The following FRMD4A variants were observed in gnomAD, a reference collection of about 807,000 sequenced individuals.
FRMD4A encodes the protein FERM domain-containing protein 4A.
FRMD4A carries 29 observed loss-of-function variants against 129.1 expected under a neutral mutation model. The observed-to-expected ratio is 0.22, with a 90% CI of 0.17 to 0.31. FRMD4A has a LOEUF of 0.31. Among genes scored for constraint, FRMD4A ranks in the 10% least tolerant of loss-of-function variants. FRMD4A has a pLI of 1.00. For missense variants in FRMD4A, 1,272 were observed against 1,375.8 expected, an observed-to-expected ratio of 0.92 and a Z score of 1.19; for synonymous variants, 634 against 571.6, an observed-to-expected ratio of 1.11 and a Z score of -1.56.
chr10:14,302,024 C>A (rs937302583), intron 2 of FRMD4A, among the ~76,000 whole-genome samples: 8 of 152,130 alleles, frequency 5.3e-5, no homozygotes, highest in Non-Finnish European at 1.2e-4. Flanking sequence ...AAGTCTGAAA[C>A]CATCACCTCA....
At chr10:14,205,038 AT>A (rs1842740320) in intron 2 of FRMD4A, among the ~76,000 whole-genome samples, 1 of 138,488 alleles carries the variant, frequency 7.2e-6, no homozygotes, top group Non-Finnish European at 1.5e-5. Flanking sequence ...GTTCTGCCTG[AT>A]CATCTTTTTT....
chr10:13,789,649 C>T lies in FRMD4A; in HGVS notation c.300-6643G>A, dbSNP rs75576867. 9.8e-3 allele frequency among the ~76,000 whole-genome samples: 1,484 copies of T among 151,416 alleles called. 26 individuals carry two copies. Among genetic ancestry groups the T allele is most frequent in the African/African-American group, 0.033 (1,378 of 41,252 alleles). On this transcript the variant is annotated intron_variant, in intron 5 of 24. Transcript: ENST00000357447. ...CTTATATTTTTTTCTTGACCTATTT[C>T]TAAAGCTTGCCTGGTGAACAATATC...
intron 2 of FRMD4A, among the ~76,000 whole-genome samples, chr10:14,146,814 C>G (rs1047299792): frequency 1.3e-5 from 2 of 152,178 alleles, no homozygotes; most frequent in African/African-American, 4.8e-5. Context: ...ACAGCACTCA[C>G]CAGGCACATG....
intron 3 of FRMD4A, among the ~76,000 whole-genome samples, chr10:13,833,619 C>A (rs984608210): frequency 2.6e-5 from 4 of 152,054 alleles, no homozygotes; most frequent in African/African-American, 9.7e-5. Context: ...GTTAAATGAA[C>A]CTGTCAATAC....
intron 2 of FRMD4A, among the ~76,000 whole-genome samples, chr10:14,115,707 C>CA: frequency 6.6e-6 from 1 of 152,196 alleles, no homozygotes; most frequent in Non-Finnish European, 1.5e-5. Flanking sequence ...TCCCTCCCCG[C>CA]TCTCTCTTGC....
At chr10:13,654,341 T>TTATGTCACCAGGATCTGAACGTCTATGA in intron 23 of FRMD4A, 75 bp downstream of exon 23, 1 of 966,480 alleles carries the variant, frequency 1.0e-6, no homozygotes, top group East Asian at 2.4e-5. Flanking sequence ...TGACATATCC[T>TTATGTCACCAGGATCTGAACGTCTATGA]TATGTCACCA....
intron 2 of FRMD4A, among the ~76,000 whole-genome samples, chr10:14,180,875 CTA>C (rs1841891241): frequency 1.3e-5 from 2 of 152,194 alleles, no homozygotes; most frequent in African/African-American, 4.8e-5. Flanking sequence ...TCCGGCACTT[CTA>C]TGTTATTGAA....
chr10:14,203,971 C>T (rs1842710739), intron 2 of FRMD4A, among the ~76,000 whole-genome samples: 1 of 152,168 alleles, frequency 6.6e-6, no homozygotes, highest in South Asian at 2.1e-4. Flanking sequence ...TAACAAGAGC[C>T]CAGGAACATC....
chr10:14,222,591 AC>A (rs1366099934), intron 2 of FRMD4A, among the ~76,000 whole-genome samples: 4 of 152,222 alleles, frequency 2.6e-5, no homozygotes, highest in Non-Finnish European at 5.9e-5. Context: ...GCTACTTCTT[AC>A]AAATGATATT....
chr10:13,922,895 T>G (rs557078437), intron 2 of FRMD4A, among the ~76,000 whole-genome samples: 2 of 152,178 alleles, frequency 1.3e-5, no homozygotes, highest in Non-Finnish European at 2.9e-5. Flanking sequence ...CTGCAATAAA[T>G]AGACTGTATT....
At chr10:13,951,763 G>T (rs951393426) in intron 2 of FRMD4A, among the ~76,000 whole-genome samples, 8 of 152,022 alleles carry the variant, frequency 5.3e-5, no homozygotes, top group African/African-American at 1.2e-4. Context: ...GGTGGCGGGC[G>T]CCTGGAATCC....
At chr10:13,781,902 G>T (rs1472429638) in intron 6 of FRMD4A, among the ~76,000 whole-genome samples, 2 of 152,102 alleles carry the variant, frequency 1.3e-5, no homozygotes, top group Non-Finnish European at 1.5e-5. Context: ...TGACGGTGGG[G>T]ATGGTTATAC....
At chr10:13,963,827 G>C (rs2095464020) in intron 2 of FRMD4A, among the ~76,000 whole-genome samples, 1 of 152,148 alleles carries the variant, frequency 6.6e-6, no homozygotes, top group South Asian at 2.1e-4. Flanking sequence ...TTGCAGGCCT[G>C]GCTCTGTGGT....
intron 8 of FRMD4A, among the ~76,000 whole-genome samples, chr10:13,752,252 ACTC>A (rs2091664042): frequency 6.6e-6 from 1 of 152,086 alleles, no homozygotes; most frequent in Non-Finnish European, 1.5e-5. Flanking sequence ...TGCAGCCTAT[ACTC>A]CTCACGAAAC....
Position 13,838,181 on chromosome 10 carries a change from T to G in FRMD4A, c.111+20666A>C, listed in dbSNP as rs568130979. Among the ~76,000 whole-genome samples, 613 of 151,930 alleles carry G rather than the reference T, an allele frequency of 4.0e-3. 5 individuals carry two copies. The highest frequency in any genetic ancestry group is 0.014 in the African/African-American group (582 of 41,402). ...ATAGCTCACTGAAGCCTCTACCTCC[T>G]GGGCTCAAGCCATCCTGCCTCAGGC... On this transcript the variant is annotated intron_variant, in intron 3 of 24. Coordinates refer to ENST00000357447, the MANE Select transcript of FRMD4A (RefSeq NM_018027.5).
intron 15 of FRMD4A, chr10:13,685,398 A>T (rs1056903927): frequency 3.2e-5 from 32 of 984,890 alleles, no homozygotes; most frequent in Non-Finnish European, 3.6e-5. Context: ...CATTCATTTT[A>T]AAAAATTAGC....
chr10:13,660,773 T>C (rs962047577), intron 19 of FRMD4A, among the ~76,000 whole-genome samples: 3 of 152,136 alleles, frequency 2.0e-5, no homozygotes, highest in East Asian at 1.9e-4. Flanking sequence ...GCAGGCGGGA[T>C]TGCATGGGAA....
intron 2 of FRMD4A, among the ~76,000 whole-genome samples, chr10:14,052,724 AT>A (rs10695815): frequency 6.6e-6 from 1 of 150,452 alleles, no homozygotes; most frequent in African/African-American, 2.4e-5. Context: ...ATAACTGGCT[AT>A]TTTTTTTTCT....
At chr10:13,658,521 C>T (rs1412860953) in intron 21 of FRMD4A, among the ~76,000 whole-genome samples, 5 of 152,222 alleles carry the variant, frequency 3.3e-5, no homozygotes, top group Non-Finnish European at 7.3e-5. Flanking sequence ...TTCCGACTGC[C>T]ACTCAGAAGG....
Sources: gnomAD v4.1 joint callset for allele counts (sites outside exome capture counted in the v4.1 genomes callset) on GRCh38, gnomAD v4.1.1 for gene constraint, MANE v1.5 for transcripts, NCBI Gene and HGNC (gene_info 2026-07-23, HGNC 2026-07-21) for gene names.